The following CAMK2B variants were observed in gnomAD, a reference collection of about 807,000 sequenced individuals.
CAMK2B encodes the protein calcium/calmodulin-dependent protein kinase type II subunit beta.
CAMK2B carries 27 observed loss-of-function variants against 93.7 expected under a neutral mutation model. The ratio of observed to expected loss-of-function variants is 0.29; its 90% CI spans 0.21 to 0.40. The LOEUF (loss-of-function observed/expected upper bound fraction) is 0.40, where lower values mean the gene tolerates loss of function less well. Among genes scored for constraint, CAMK2B ranks in the 10% least tolerant of loss-of-function variants. The pLI, the probability that CAMK2B is intolerant of heterozygous loss-of-function variation, is 1.00. For synonymous variants in CAMK2B, 374 were observed against 358.8 expected (o/e 1.04, Z -0.48); for missense variants, 568 against 895.8 (o/e 0.63, Z 4.67).
intron 5 of CAMK2B, among the ~76,000 whole-genome samples, chr7:44,253,215 G>GTT (rs528489020): frequency 0.013 from 1,913 of 146,224 alleles, 35 homozygotes; most frequent in African/African-American, 0.043. Flanking sequence ...TTTTTTTTTG[G>GTT]TTTTTTTTTT....
intron 19 of CAMK2B, 47 bp downstream of exon 19, chr7:44,228,749 G>A (rs752538643): frequency 6.3e-6 from 9 of 1,419,362 alleles, no homozygotes; most frequent in Admixed American, 3.0e-5. Context: ...CCATTCGCAG[G>A]GAGCTGTCCG....
intron 2 of CAMK2B, among the ~76,000 whole-genome samples, chr7:44,278,564 G>C (rs562133927): frequency 6.6e-6 from 1 of 152,156 alleles, no homozygotes; most frequent in Non-Finnish European, 1.5e-5. Context: ...GTCCCCGCAT[G>C]GGGGAGGCAG....
At chr7:44,320,942 TA>T (rs1260663295) in intron 1 of CAMK2B, among the ~76,000 whole-genome samples, 1 of 151,044 alleles carries the variant, frequency 6.6e-6, no homozygotes, top group Non-Finnish European at 1.5e-5. Flanking sequence ...GAAGACAAGC[TA>T]GGGGGAGGGG....
In CAMK2B at chr7:44,253,030, G is replaced by A. The variant is rs543370480; in HGVS notation, c.341+1512C>T. 2.6e-5 allele frequency among the ~76,000 whole-genome samples: 4 copies of A among 152,274 alleles called. No homozygotes were observed. In the East Asian group the frequency reaches 5.8e-4, roughly 22 times the overall value. ...TCCCTCTCCCTGCCCAGCTCTAGGG[G>A]AGGCCCAGTGGCACCAGAGCTGCTC... On this transcript the variant is annotated intron_variant, in intron 5 of 23. Transcript: ENST00000395749.
intron 1 of CAMK2B, among the ~76,000 whole-genome samples, chr7:44,285,611 G>A (rs1376352439): frequency 6.6e-6 from 1 of 152,096 alleles, no homozygotes; most frequent in East Asian, 1.9e-4. Context: ...CTTTGTAAAA[G>A]AGTACTGTTC....
chr7:44,226,572 G>A lies in CAMK2B; in HGVS notation c.1541C>T (p.Pro514Leu). The change falls in exon 20 of 24, where the codon CCA becomes CTA. Residue 514 changes from proline (P) to leucine (L), a missense_variant. This residue lies in a region of CAMK2B where 308 missense variants were observed against 292.1 expected (regional missense o/e 1.05). Transcript: ENST00000395749. ...SGTPEAEGPSPVGPPPCPSPT... is the reference protein window; with the variant it reads ...SGTPEAEGPSLVGPPPCPSPT... ...AGATGGGCAGGGCGGGGGCCCCACT[G>A]GCGAGGGGCCCTCGGCTTCTGGGGT... 6.8e-7 allele frequency: 1 copy of A among 1,475,762 alleles called. No homozygotes were observed. The highest frequency in any genetic ancestry group is 1.5e-5 in the South Asian group (1 of 67,252). The allele number at this position is 1,475,762 out of a possible 1,614,324, so 91.4% of individuals were successfully genotyped here.
chr7:44,240,353 T>C (rs2096666389), intron 12 of CAMK2B, among the ~76,000 whole-genome samples: 1 of 152,066 alleles, frequency 6.6e-6, no homozygotes, highest in African/African-American at 2.4e-5. Context: ...CAAAACACAA[T>C]GTTCAGAGCA....
intron 20 of CAMK2B, among the ~76,000 whole-genome samples, chr7:44,223,025 G>A (rs2096431283): frequency 6.6e-6 from 1 of 152,220 alleles, no homozygotes; most frequent in African/African-American, 2.4e-5. Flanking sequence ...TCATGTATGT[G>A]ATCACATGCA....
At chr7:44,259,826 G>C (rs2096864786) in intron 3 of CAMK2B, among the ~76,000 whole-genome samples, 1 of 152,190 alleles carries the variant, frequency 6.6e-6, no homozygotes, top group African/African-American at 2.4e-5. Flanking sequence ...ATGATTGCTA[G>C]AACAACGAGG....
At position 44,286,218 on chromosome 7, in the gene CAMK2B, C is replaced by T. The variant is rs963036195; in HGVS notation, c.66-1993G>A. The stretch of plus-strand genomic sequence containing the variant: ...TTGCTCAGGAGAGGTAAGAGCTTCC[C>T]GAAACCAGTCCTGAGCTACCATCTG... On this transcript the variant is annotated intron_variant, in intron 1 of 23. Transcript: ENST00000395749. The surrounding 1 kb of genome is among the most constrained non-coding windows in gnomAD (Gnocchi z 4.0). 8.5e-5 allele frequency among the ~76,000 whole-genome samples: 13 copies of T among 152,102 alleles called. No homozygotes were observed. The highest frequency in any genetic ancestry group is 3.9e-4 in the East Asian group (2 of 5,138).
intron 1 of CAMK2B, among the ~76,000 whole-genome samples, chr7:44,298,179 A>C (rs1458752251): frequency 6.6e-6 from 1 of 152,204 alleles, no homozygotes; most frequent in Non-Finnish European, 1.5e-5. Flanking sequence ...ATGGTCTGAC[A>C]CCGGCATAAG....
At chr7:44,221,701 C>T (rs1322876971) in intron 20 of CAMK2B, among the ~76,000 whole-genome samples, 1 of 152,118 alleles carries the variant, frequency 6.6e-6, no homozygotes, top group Non-Finnish European at 1.5e-5. Flanking sequence ...TCCCGGGCGC[C>T]TGCCTGCAGC....
At chr7:44,235,698 G>GGCCA (rs916588823) in intron 13 of CAMK2B, among the ~76,000 whole-genome samples, 5 of 152,168 alleles carry the variant, frequency 3.3e-5, no homozygotes, top group African/African-American at 1.2e-4. Flanking sequence ...AGGGCCATGC[G>GGCCA]GCCAGCCGGT....
Position 44,229,618 on chromosome 7 carries a change from G to A in CAMK2B, c.1226-117C>T, listed in dbSNP as rs372661937. The A allele has an allele frequency of 1.0e-5, 4 of 382,910 alleles. No homozygotes were observed. The South Asian group carries it at 1.1e-4, about 11-fold the overall frequency. The allele number at this position is 382,910 out of a possible 1,614,324, so 23.7% of individuals were successfully genotyped here. On this transcript the variant is annotated intron_variant, in intron 17 of 23. Transcript: ENST00000395749. The stretch of plus-strand genomic sequence containing the variant: ...GGAGGGGGTGACAGCTGGATACCTG[G>A]GGCTCCTGGGGTGGAGGTGGGGTGG...
chr7:44,234,359 G>A, intron 15 of CAMK2B, 31 bp downstream of exon 15: 1 of 1,483,260 alleles, frequency 6.7e-7, no homozygotes, highest in Non-Finnish European at 9.0e-7. Flanking sequence ...CGTAGGAGGG[G>A]CTGAGAGGCA....
chr7:44,278,057 C>T (rs1459454334), intron 2 of CAMK2B, among the ~76,000 whole-genome samples: 1 of 152,312 alleles, frequency 6.6e-6, no homozygotes, highest in Non-Finnish European at 1.5e-5. Flanking sequence ...CTGCATCTGC[C>T]CTCAAGGAGC....
At chr7:44,265,301 A>C (rs1396545622) in intron 2 of CAMK2B, among the ~76,000 whole-genome samples, 1 of 152,208 alleles carries the variant, frequency 6.6e-6, no homozygotes, top group Non-Finnish European at 1.5e-5. Context: ...CAGATTCAGT[A>C]AATCGAATGC....
rs527634404 is a variant in CAMK2B at position 44,247,305 on chromosome 7, C to G, written c.342-113G>C. On this transcript the variant is annotated intron_variant, in intron 5 of 23. Coordinates refer to ENST00000395749, the MANE Select transcript of CAMK2B (RefSeq NM_001220.5). ...GCCTGGGGGGACCAGGGGGACAAAG[C>G]AAGTCAAGGTGAGAGGAGATGCTGG... The G allele has an allele frequency of 8.1e-6, 7 of 864,436 alleles. No homozygotes were observed. In the East Asian group the frequency reaches 1.8e-4, roughly 23 times the overall value. 53.5% of individuals were successfully genotyped at this position (864,436 alleles called of 1,614,324 possible). A position where few individuals can be genotyped will look rare whatever the true frequency, so the allele number is the denominator to read the frequency against.
intron 4 of CAMK2B, among the ~76,000 whole-genome samples, chr7:44,258,508 A>T (rs2096853454): frequency 6.6e-6 from 1 of 152,244 alleles, no homozygotes; most frequent in South Asian, 2.1e-4. Flanking sequence ...GTGGTGCCCC[A>T]GTCCAGCTGG....
Sources: allele counts gnomAD v4.1 joint callset (sites outside exome capture counted in the v4.1 genomes callset), GRCh38; gene constraint gnomAD v4.1.1; regional missense constraint gnomAD v4.1.1; non-coding constraint Gnocchi (gnomAD v3.1); transcripts MANE v1.5; gene names NCBI Gene and HGNC (gene_info 2026-07-23, HGNC 2026-07-21).